Variants in NDUFAF6 observed in about 807,000 individuals in gnomAD.
NDUFAF6 encodes NADH dehydrogenase (ubiquinone) complex I, assembly factor 6.
NDUFAF6 carries 45 observed loss-of-function variants against 40.8 expected under a neutral mutation model. The observed-to-expected ratio is 1.10, with a 90% CI of 0.87 to 1.42. NDUFAF6 has a LOEUF of 1.42. Ranked by LOEUF, NDUFAF6 falls within the 40% of genes most tolerant of loss-of-function variation. The probability of loss-of-function intolerance (pLI) is 0.00; values close to 1 mark genes in which losing one functional copy is unlikely to be tolerated. For synonymous variants in NDUFAF6, 185 were observed against 155.9 expected (o/e 1.19, Z -1.39); for missense variants, 435 against 418.5 (o/e 1.04, Z -0.34).
downstream of NDUFAF6, among the ~76,000 whole-genome samples, chr8:95,116,795 C>T (rs1315523276): frequency 6.6e-6 from 1 of 152,244 alleles, no homozygotes; most frequent in African/African-American, 2.4e-5. Flanking sequence ...GAAAACCCAA[C>T]TTACGCTGAC....
chr8:94,907,435 A>G (rs947871222), intron 1 of NDUFAF6, among the ~76,000 whole-genome samples: 4 of 152,238 alleles, frequency 2.6e-5, no homozygotes, highest in African/African-American at 4.8e-5. Flanking sequence ...TGAGACACAG[A>G]TAGATTCAAA....
At chr8:95,091,027 A>T in intron 2 of NDUFAF6, among the ~76,000 whole-genome samples, 1 of 15,396 alleles carries the variant, frequency 6.5e-5, no homozygotes, top group African/African-American at 5.2e-4. Context: ...TATATTAATA[A>T]ACTCATATAT....
chr8:95,105,573 T>C (rs1809816298), downstream of NDUFAF6, among the ~76,000 whole-genome samples: 1 of 152,170 alleles, frequency 6.6e-6, no homozygotes, highest in South Asian at 2.1e-4. Flanking sequence ...CTGGCTCTAT[T>C]GCCCAGGCTG....
At chr8:95,000,418 C>T (rs2131640757) in intron 2 of NDUFAF6, among the ~76,000 whole-genome samples, 1 of 152,206 alleles carries the variant, frequency 6.6e-6, no homozygotes, top group Non-Finnish European at 1.5e-5. Flanking sequence ...ATGATACATG[C>T]TAGAGATACG....
chr8:95,086,914 C>G (rs1393159241), intron 2 of NDUFAF6, among the ~76,000 whole-genome samples: 2 of 152,132 alleles, frequency 1.3e-5, no homozygotes, highest in African/African-American at 4.8e-5. Context: ...CCTCTTGTCT[C>G]TTGAGTGCCT....
intron 1 of NDUFAF6, among the ~76,000 whole-genome samples, chr8:94,900,096 C>A (rs916661965): frequency 6.6e-6 from 1 of 152,172 alleles, no homozygotes; most frequent in South Asian, 2.1e-4. Flanking sequence ...GTAGGACTTT[C>A]CTTTGTAGCA....
intron 4 of NDUFAF6, among the ~76,000 whole-genome samples, chr8:95,115,008 G>A (rs564618133): frequency 6.9e-4 from 104 of 151,676 alleles, no homozygotes; most frequent in African/African-American, 2.5e-3. Flanking sequence ...GTTGCAGTGA[G>A]CTGAGATCAC....
intron 1 of NDUFAF6, among the ~76,000 whole-genome samples, chr8:94,974,358 C>G (rs1824746943): frequency 6.6e-6 from 1 of 151,952 alleles, no homozygotes; most frequent in African/African-American, 2.4e-5. Flanking sequence ...AGTGAGTTGG[C>G]CTTTACCTCA....
intron 1 of NDUFAF6, among the ~76,000 whole-genome samples, chr8:94,978,508 G>A (rs1825153468): frequency 1.3e-5 from 2 of 152,088 alleles, no homozygotes; most frequent in Non-Finnish European, 2.9e-5. Flanking sequence ...TTGAGCCCAG[G>A]AGTTTGAGAC....
At chr8:95,107,315 C>A (rs183478865), downstream of NDUFAF6, among the ~76,000 whole-genome samples, 100 of 152,278 alleles carry the variant, frequency 6.6e-4, no homozygotes, top group African/African-American at 2.4e-3. Flanking sequence ...AGGATGAGTT[C>A]ATGTCCTTTG....
Position 95,057,975 on chromosome 8 carries a change from A to C in NDUFAF6, c.*38A>C, listed in dbSNP as rs528767581. On this transcript the variant is annotated 3_prime_UTR_variant, in exon 9 of 9. Coordinates refer to ENST00000396124, the MANE Select transcript of NDUFAF6 (RefSeq NM_152416.4). The stretch of plus-strand genomic sequence containing the variant: ...GCATTGATGTTAATTCTAGTCTATT[A>C]GTTTTATAAAAGTTAGGATTCTTAT... The C allele has an allele frequency of 1.7e-5, 25 of 1,507,884 alleles. 1 individual carries two copies. The South Asian group carries it at 2.8e-4, about 17-fold the overall frequency. The allele number at this position is 1,507,884 out of a possible 1,614,324, so 93.4% of individuals were successfully genotyped here.
chr8:95,009,626 C>CGTTA (rs1827148071), intron 2 of NDUFAF6, among the ~76,000 whole-genome samples: 1 of 152,106 alleles, frequency 6.6e-6, no homozygotes, highest in Admixed American at 6.5e-5. Flanking sequence ...CTCACATAAC[C>CGTTA]CCATCTGCTT....
intron 2 of NDUFAF6, among the ~76,000 whole-genome samples, chr8:94,982,616 A>T (rs1825539242): frequency 6.6e-6 from 1 of 152,186 alleles, no homozygotes; most frequent in Non-Finnish European, 1.5e-5. Flanking sequence ...CTGTCCTCTG[A>T]TCTGTGGTTT....
downstream of NDUFAF6, chr8:95,078,662 A>AAAATATAT (rs545018367): frequency 1.1e-3 from 136 of 121,032 alleles, no homozygotes; most frequent in Middle Eastern, 4.2e-3. Flanking sequence ...AAAAAAAAAA[A>AAAATATAT]ATATATATAT....
At chr8:94,998,251 G>A (rs939197408) in intron 2 of NDUFAF6, among the ~76,000 whole-genome samples, 6 of 152,036 alleles carry the variant, frequency 3.9e-5, no homozygotes, top group African/African-American at 9.7e-5. Flanking sequence ...CAGATGCCCC[G>A]TGCACAAAGC....
intron 4 of NDUFAF6, among the ~76,000 whole-genome samples, chr8:95,112,067 C>T (rs1810012763): frequency 6.6e-6 from 1 of 152,118 alleles, no homozygotes. Context: ...GAATAATGGC[C>T]CCTCAAAGAT....
In NDUFAF6 at chr8:95,045,618, CTCT is replaced by C. The variant is rs760212624; in HGVS notation, c.556_558del (p.Leu186del). The C allele has an allele frequency of 1.2e-6, 2 of 1,613,210 alleles. No homozygotes were observed. Among genetic ancestry groups the C allele is most frequent in the Non-Finnish European group, 1.7e-6 (2 of 1,179,430 alleles). ...AATTATGCTGAAAACACACAGAGCTCTCTTCTTTACTTAACACTAGAAATATTG... is the reference window on the plus strand; with the variant it reads ...AATTATGCTGAAAACACACAGAGCTCTCTTTACTTAACACTAGAAATATTG... On this transcript the variant is annotated inframe_deletion, in exon 5 of 9. Coordinates refer to ENST00000396124, the MANE Select transcript of NDUFAF6 (RefSeq NM_152416.4).
chr8:95,098,968 T>G, upstream of NDUFAF6, among the ~76,000 whole-genome samples: 1 of 151,220 alleles, frequency 6.6e-6, no homozygotes, highest in East Asian at 2.0e-4. Flanking sequence ...AGGCTGGGTG[T>G]GGTGGCTCAC....
intron 2 of NDUFAF6, among the ~76,000 whole-genome samples, chr8:94,986,864 T>C (rs992651538): frequency 3.9e-5 from 6 of 152,222 alleles, no homozygotes; most frequent in Non-Finnish European, 8.8e-5. Context: ...GTTATGCATA[T>C]TTGGCCACTG....
Sources: allele counts gnomAD v4.1 joint callset (sites outside exome capture counted in the v4.1 genomes callset), GRCh38; gene constraint gnomAD v4.1.1; transcripts MANE v1.5; gene names NCBI Gene and HGNC (gene_info 2026-07-23, HGNC 2026-07-21).